IPCEF1: variants seen among roughly 807,000 people sequenced by gnomAD.
IPCEF1 encodes interaction protein for cytohesin exchange factors 1.
In IPCEF1, 31 loss-of-function variants were observed where a neutral mutation model predicts 50.9. That is an observed-to-expected ratio of 0.61 (90% confidence interval 0.46 to 0.82). IPCEF1 has a LOEUF of 0.82. Among genes scored for constraint, IPCEF1 ranks in the 40% least tolerant of loss-of-function variants. The probability of loss-of-function intolerance (pLI) is 0.00; values close to 1 mark genes in which losing one functional copy is unlikely to be tolerated. For missense variants in IPCEF1, 458 were observed against 514.0 expected, an observed-to-expected ratio of 0.89 and a Z score of 1.05; for synonymous variants, 181 against 192.0, an observed-to-expected ratio of 0.94 and a Z score of 0.47.
intron 1 of IPCEF1, among the ~76,000 whole-genome samples, chr6:154,345,145 C>T (rs774099113): frequency 2.6e-5 from 4 of 152,278 alleles, no homozygotes; most frequent in Non-Finnish European, 5.9e-5. Flanking sequence ...GCTGGGATTA[C>T]AGGCATGAGC....
At chr6:154,229,346 GTTTTTTTTTTT>G (rs34462600) in intron 5 of IPCEF1, among the ~76,000 whole-genome samples, 2 of 112,680 alleles carry the variant, frequency 1.8e-5, no homozygotes, top group African/African-American at 6.9e-5. Flanking sequence ...AAGTTTGCCG[GTTTTTTTTTTT>G]TTTTTTTTTT....
At chr6:154,348,495 T>G (rs926989375) in intron 1 of IPCEF1, among the ~76,000 whole-genome samples, 6 of 152,208 alleles carry the variant, frequency 3.9e-5, no homozygotes, top group African/African-American at 9.7e-5. Context: ...TTAATTGCAG[T>G]GAAATACCTG....
At chr6:154,201,634 C>T (rs1157572205) in intron 9 of IPCEF1, among the ~76,000 whole-genome samples, 1 of 152,170 alleles carries the variant, frequency 6.6e-6, no homozygotes, top group African/African-American at 2.4e-5. Flanking sequence ...GTGGCTCATG[C>T]CTGTAATCCC....
chr6:154,235,019 T>G (rs1027491272), intron 5 of IPCEF1, among the ~76,000 whole-genome samples: 2 of 152,138 alleles, frequency 1.3e-5, no homozygotes, highest in Non-Finnish European at 2.9e-5. Context: ...TGCACCAGCA[T>G]AGTCAAAAAA....
intron 9 of IPCEF1, among the ~76,000 whole-genome samples, chr6:154,207,974 C>T (rs375052852): frequency 1.3e-5 from 2 of 152,184 alleles, no homozygotes; most frequent in East Asian, 1.9e-4. Flanking sequence ...CACTGCTATC[C>T]CGATGGAATC....
intron 10 of IPCEF1, among the ~76,000 whole-genome samples, chr6:154,169,141 G>A (rs750113707): frequency 1.2e-4 from 18 of 151,910 alleles, no homozygotes; most frequent in South Asian, 2.1e-4. Context: ...CAGGAGGATC[G>A]CCTGAGCTCA....
At chr6:154,230,775 A>C (rs1451320497) in intron 5 of IPCEF1, among the ~76,000 whole-genome samples, 1 of 152,212 alleles carries the variant, frequency 6.6e-6, no homozygotes, top group Non-Finnish European at 1.5e-5. Context: ...AAATCAGAAG[A>C]CACCTTAGAA....
chr6:154,198,961 A>G (rs143800596), intron 10 of IPCEF1, among the ~76,000 whole-genome samples: 3 of 152,242 alleles, frequency 2.0e-5, no homozygotes, highest in Non-Finnish European at 4.4e-5. Flanking sequence ...GCGCACAATC[A>G]GAAAAGATAC....
At chr6:154,286,202 G>A (rs1782355310) in intron 2 of IPCEF1, among the ~76,000 whole-genome samples, 2 of 152,050 alleles carry the variant, frequency 1.3e-5, no homozygotes, top group Admixed American at 1.3e-4. Flanking sequence ...GGGGTGGGGG[G>A]TGGCAAGGGG....
chr6:154,159,867 C>A lies in IPCEF1; in HGVS notation c.1278G>T (p.Lys426Asn), dbSNP rs772792412. Reference sequence around the variant, plus strand: ...CAACAGAGGGAGAAGAAGGTGATTTCTTGAGTTCCTGGGGGGTGTCATCAG... The same window carrying A: ...CAACAGAGGGAGAAGAAGGTGATTTATTGAGTTCCTGGGGGGTGTCATCAG... ...DDTDDTPQEL[K>N]KSPSSPSVEN... Residue 426 changes from lysine to asparagine, a missense_variant, in exon 12 of 12, where the codon AAG becomes AAT. Transcript: ENST00000367220. 11 of 1,611,762 alleles carry A rather than the reference C, an allele frequency of 6.8e-6. No homozygotes were observed. Among genetic ancestry groups the A allele is most frequent in the African/African-American group, 6.7e-5 (5 of 74,770 alleles).
chr6:154,221,644 C>T (rs1033140654), intron 6 of IPCEF1, among the ~76,000 whole-genome samples: 6 of 151,948 alleles, frequency 3.9e-5, no homozygotes, highest in Non-Finnish European at 8.8e-5. Context: ...GAGGCCGAGG[C>T]GGGCAGATCA....
Position 154,168,200 on chromosome 6 carries a change from G to A in IPCEF1, c.911-87C>T, listed in dbSNP as rs940253586. ...ATTCAATACTGTGGTCCCAAGGCAC[G>A]GCCCCACTGGCACCCTCATCTCAGA... On this transcript the variant is annotated intron_variant, in intron 10 of 11. Transcript: ENST00000367220. This position sits in a 1 kb window ranked among gnomAD's most constrained non-coding sequence, Gnocchi z 4.1. 1.6e-5 allele frequency: 15 copies of A among 913,064 alleles called. No homozygotes were observed. Among genetic ancestry groups the A allele is most frequent in the Admixed American group, 9.7e-5 (4 of 41,342 alleles). The allele number at this position is 913,064 out of a possible 1,614,324, so 56.6% of individuals were successfully genotyped here.
chr6:154,174,251 G>C (rs905779046), intron 10 of IPCEF1, among the ~76,000 whole-genome samples: 9 of 152,194 alleles, frequency 5.9e-5, no homozygotes, highest in Admixed American at 3.3e-4. Flanking sequence ...ATGCTAGGAA[G>C]AAACTGCATC....
chr6:154,215,780 CA>C (rs995345626), intron 7 of IPCEF1, among the ~76,000 whole-genome samples: 5 of 151,844 alleles, frequency 3.3e-5, no homozygotes, highest in African/African-American at 1.2e-4. Flanking sequence ...AACAGGAACC[CA>C]AAAATGTATA....
At chr6:154,347,787 G>A (rs1036279407) in intron 1 of IPCEF1, among the ~76,000 whole-genome samples, 1 of 152,186 alleles carries the variant, frequency 6.6e-6, no homozygotes, top group Non-Finnish European at 1.5e-5. Flanking sequence ...ATTGGCAAAA[G>A]GCCACCTCCA....
At chr6:154,278,729 A>G (rs1054573044) in intron 2 of IPCEF1, among the ~76,000 whole-genome samples, 8 of 151,980 alleles carry the variant, frequency 5.3e-5, no homozygotes, top group African/African-American at 1.7e-4. Context: ...AAAAATATAT[A>G]TATATATGAT....
intron 10 of IPCEF1, among the ~76,000 whole-genome samples, chr6:154,184,595 T>C (rs1295564148): frequency 6.6e-6 from 1 of 152,112 alleles, no homozygotes; most frequent in Non-Finnish European, 1.5e-5. Context: ...AAATTGTTAA[T>C]AACCAGAATG....
chr6:154,241,194 C>T (rs1780553302), intron 5 of IPCEF1, among the ~76,000 whole-genome samples: 1 of 148,632 alleles, frequency 6.7e-6, no homozygotes, highest in South Asian at 2.1e-4. Context: ...CGAGATCGCG[C>T]CACTGCACTT....
intron 1 of IPCEF1, among the ~76,000 whole-genome samples, chr6:154,342,503 C>T (rs1197762979): frequency 6.6e-6 from 1 of 152,186 alleles, no homozygotes; most frequent in African/African-American, 2.4e-5. Flanking sequence ...CTCACTACAG[C>T]CTTGACTTTT....
Sources: gnomAD v4.1 joint callset for allele counts (sites outside exome capture counted in the v4.1 genomes callset) on GRCh38, gnomAD v4.1.1 for gene constraint, Gnocchi (gnomAD v3.1) non-coding constraint, MANE v1.5 for transcripts, NCBI Gene and HGNC (gene_info 2026-07-23, HGNC 2026-07-21) for gene names.